SPTBN1: variants seen among roughly 807,000 people sequenced by gnomAD.
SPTBN1 encodes the protein spectrin beta, non-erythrocytic 1.
SPTBN1 carries 32 observed loss-of-function variants against 266.4 expected under a neutral mutation model. The observed-to-expected ratio is 0.12, with a 90% CI of 0.09 to 0.16. SPTBN1 has a LOEUF of 0.16. Among genes scored for constraint, SPTBN1 ranks in the 10% least tolerant of loss-of-function variants. The probability of loss-of-function intolerance (pLI) is 1.00; values close to 1 mark genes in which losing one functional copy is unlikely to be tolerated. For synonymous variants in SPTBN1, 1,336 were observed against 1,162.2 expected (o/e 1.15, Z -3.04); for missense variants, 2,296 against 3,067.1 (o/e 0.75, Z 5.94).
At chr2:54,497,015 A>G (rs975865193) in intron 1 of SPTBN1, among the ~76,000 whole-genome samples, 3 of 152,230 alleles carry the variant, frequency 2.0e-5, no homozygotes, top group Non-Finnish European at 1.5e-5. Context: ...TGATATGCGC[A>G]TATGTTTATG....
At chr2:54,459,633 C>T (rs891987554) in intron 1 of SPTBN1, among the ~76,000 whole-genome samples, 3 of 152,106 alleles carry the variant, frequency 2.0e-5, no homozygotes, top group Non-Finnish European at 2.9e-5. Context: ...CATGATGCTC[C>T]TTTAATTATG....
intron 1 of SPTBN1, among the ~76,000 whole-genome samples, chr2:54,459,900 C>T (rs1057054586): frequency 2.6e-5 from 4 of 152,078 alleles, no homozygotes; most frequent in East Asian, 1.9e-4. Flanking sequence ...CTGATTTTTC[C>T]GGTAGCACTT....
Position 54,531,010 on chromosome 2 carries a change from A to G in SPTBN1, c.148+4444A>G, listed in dbSNP as rs570595997. ...ATCTGTGGGGGGAGTTGGTGTAGGTAGGGTGGGGTGCCCTGAGAGGACATG... is the reference window on the plus strand; with the variant it reads ...ATCTGTGGGGGGAGTTGGTGTAGGTGGGGTGGGGTGCCCTGAGAGGACATG... On this transcript the variant is annotated intron_variant, in intron 2 of 35. Transcript: ENST00000356805. Among the ~76,000 whole-genome samples the G allele has an allele frequency of 4.6e-5, 7 of 151,912 alleles. No homozygotes were observed. The South Asian group carries it at 1.2e-3, about 27-fold the overall frequency.
intron 2 of SPTBN1, among the ~76,000 whole-genome samples, chr2:54,585,717 G>A (rs903414961): frequency 6.6e-6 from 1 of 152,178 alleles, no homozygotes; most frequent in South Asian, 2.1e-4. Flanking sequence ...TTTAAAGAGA[G>A]AACTCTTAAT....
chr2:54,598,680 T>A (rs1676264256), intron 2 of SPTBN1, among the ~76,000 whole-genome samples: 1 of 152,106 alleles, frequency 6.6e-6, no homozygotes, highest in East Asian at 1.9e-4. Flanking sequence ...GCTTTACCAG[T>A]CAAGTATTAT....
intron 3 of SPTBN1, among the ~76,000 whole-genome samples, chr2:54,603,989 A>G (rs893596404): frequency 1.3e-5 from 2 of 152,186 alleles, no homozygotes. Flanking sequence ...GATTGTTATC[A>G]TACAGCTGTA....
intron 2 of SPTBN1, among the ~76,000 whole-genome samples, chr2:54,589,296 A>T (rs1349814628): frequency 6.6e-6 from 1 of 152,168 alleles, no homozygotes; most frequent in Non-Finnish European, 1.5e-5. Context: ...CGACTGTGAC[A>T]GAGGCAGGAC....
chr2:54,523,083 T>C (rs1351566207), intron 1 of SPTBN1, among the ~76,000 whole-genome samples: 2 of 152,212 alleles, frequency 1.3e-5, no homozygotes, highest in Non-Finnish European at 2.9e-5. Context: ...ATAATAGTCA[T>C]GAAAGTTAAC....
At chr2:54,481,964 C>T (rs188719818) in intron 1 of SPTBN1, among the ~76,000 whole-genome samples, 22 of 152,204 alleles carry the variant, frequency 1.4e-4, no homozygotes, top group Admixed American at 1.4e-3. Context: ...GTCTCTTTTC[C>T]TCCGCATGGC....
chr2:54,635,526 A>C (rs1055695403), intron 17 of SPTBN1, among the ~76,000 whole-genome samples: 2 of 152,252 alleles, frequency 1.3e-5, no homozygotes, highest in Non-Finnish European at 2.9e-5. Flanking sequence ...CCGGGCATGC[A>C]TGAGAGTTGA....
intron 2 of SPTBN1, among the ~76,000 whole-genome samples, chr2:54,590,324 T>C (rs892801026): frequency 8.5e-5 from 13 of 152,216 alleles, no homozygotes; most frequent in African/African-American, 3.1e-4. Context: ...ATATGAAATT[T>C]CCCTCCTCAA....
chr2:54,579,582 G>A (rs1359970897), intron 2 of SPTBN1, among the ~76,000 whole-genome samples: 1 of 152,188 alleles, frequency 6.6e-6, no homozygotes, highest in Admixed American at 6.5e-5. Context: ...GAAGCACATT[G>A]GCATATTAAG....
chr2:54,581,923 C>G (rs1160609090), intron 2 of SPTBN1, among the ~76,000 whole-genome samples: 2 of 151,982 alleles, frequency 1.3e-5, no homozygotes, highest in African/African-American at 2.4e-5. Flanking sequence ...AAGAACTTTG[C>G]GAGACAACAG....
At chr2:54,635,382 C>G (rs1679049860) in intron 17 of SPTBN1, among the ~76,000 whole-genome samples, 1 of 152,202 alleles carries the variant, frequency 6.6e-6, no homozygotes. Flanking sequence ...GGCTGTGTTT[C>G]ACACCACACG....
At chr2:54,594,403 ATTAG>A (rs1470648190) in intron 2 of SPTBN1, among the ~76,000 whole-genome samples, 1 of 152,250 alleles carries the variant, frequency 6.6e-6, no homozygotes, top group Non-Finnish European at 1.5e-5. Flanking sequence ...TTTACATTGT[ATTAG>A]TTATGAATAA....
At chr2:54,584,094 C>G (rs940227371) in intron 2 of SPTBN1, among the ~76,000 whole-genome samples, 1 of 152,142 alleles carries the variant, frequency 6.6e-6, no homozygotes, top group African/African-American at 2.4e-5. Flanking sequence ...CAGTTACTTA[C>G]ATTTAAACAT....
intron 1 of SPTBN1, among the ~76,000 whole-genome samples, chr2:54,473,882 A>T (rs941759326): frequency 6.6e-6 from 1 of 152,256 alleles, no homozygotes; most frequent in African/African-American, 2.4e-5. Context: ...ACAAGCTTAT[A>T]GGACTAGGAA....
chr2:54,502,920 A>G (rs528476861), intron 1 of SPTBN1, among the ~76,000 whole-genome samples: 13 of 152,312 alleles, frequency 8.5e-5, no homozygotes, highest in African/African-American at 3.1e-4. Context: ...GAGAGCTAAC[A>G]GATCAGCTAG....
rs757199400 is a variant in SPTBN1 at position 54,659,998 on chromosome 2, G to A, written c.6419G>A (p.Arg2140Gln). 7 of 1,614,014 alleles carry A rather than the reference G, an allele frequency of 4.3e-6. No homozygotes were observed. The highest frequency in any genetic ancestry group is 1.6e-4 in the Middle Eastern group (1 of 6,084). Residue 2140 changes from arginine to glutamine, a missense_variant and splice_region_variant, in exon 32 of 36, where the codon CGG becomes CAG. Physicochemically the swap from Arg to Gln is conservative, Grantham distance 43 (BLOSUM62 1). Coordinates refer to ENST00000356805, the MANE Select transcript of SPTBN1 (RefSeq NM_003128.3). Reference protein sequence around the residue: ...NGLPAEQGSPRMAETVDTSEM... With the variant: ...NGLPAEQGSPQMAETVDTSEM... ...TTGCCAGCTGAACAGGGATCTCCACGGGTTAGTTACCGCTCTCAAACCTAC... is the reference window on the plus strand; with the variant it reads ...TTGCCAGCTGAACAGGGATCTCCACAGGTTAGTTACCGCTCTCAAACCTAC...
Sources: allele counts gnomAD v4.1 joint callset (sites outside exome capture counted in the v4.1 genomes callset), GRCh38; gene constraint gnomAD v4.1.1; transcripts MANE v1.5; gene names NCBI Gene and HGNC (gene_info 2026-07-23, HGNC 2026-07-21).